TENM3: variants seen among roughly 807,000 people sequenced by gnomAD.
TENM3 encodes the protein teneurin transmembrane protein 3, also known as teneurin-3.
In TENM3, 63 loss-of-function variants were observed where a neutral mutation model predicts 255.1. That is an observed-to-expected ratio of 0.25 (90% CI 0.20 to 0.30). The LOEUF (loss-of-function observed/expected upper bound fraction) is 0.30, where lower values mean the gene tolerates loss of function less well. Among genes scored for constraint, TENM3 ranks in the 10% least tolerant of loss-of-function variants. The probability of loss-of-function intolerance (pLI) is 1.00; values close to 1 mark genes in which losing one functional copy is unlikely to be tolerated. For missense variants in TENM3, 2,929 were observed against 3,461.1 expected (o/e 0.85, Z 3.86); for synonymous variants, 1,306 against 1,322.3 (o/e 0.99, Z 0.27).
the TENM3 span, among the ~76,000 whole-genome samples, chr4:181,973,083 A>G: frequency 5.9e-5 from 9 of 152,194 alleles, no homozygotes; most frequent in Non-Finnish European, 1.2e-4. Flanking sequence ...GGGCTTTTAT[A>G]TGTTATAATA....
At chr4:181,553,094 G>A in the TENM3 span, among the ~76,000 whole-genome samples, 2 of 152,044 alleles carry the variant, frequency 1.3e-5, no homozygotes, top group Non-Finnish European at 1.5e-5. Flanking sequence ...GAACATTTTG[G>A]TTTGGAGTTA....
chr4:182,339,812 T>C (rs994090521), intron 2 of TENM3, among the ~76,000 whole-genome samples: 1 of 152,200 alleles, frequency 6.6e-6, no homozygotes, highest in East Asian at 1.9e-4. Flanking sequence ...AGCAGATACA[T>C]TGCAGGCGTA....
chr4:182,405,734 G>T (rs376023797), intron 3 of TENM3, among the ~76,000 whole-genome samples: 4 of 152,156 alleles, frequency 2.6e-5, no homozygotes, highest in African/African-American at 9.7e-5. Flanking sequence ...AGAGAGTTGC[G>T]CTAGGCATTG....
the TENM3 span, among the ~76,000 whole-genome samples, chr4:181,569,278 C>T: frequency 6.6e-6 from 1 of 152,176 alleles, no homozygotes; most frequent in Admixed American, 6.5e-5. Flanking sequence ...TTCACCACGT[C>T]CTTGTTTAAG....
At chr4:182,477,802 CAAAT>C (rs958157236) in intron 3 of TENM3, among the ~76,000 whole-genome samples, 7 of 152,106 alleles carry the variant, frequency 4.6e-5, no homozygotes, top group South Asian at 4.1e-4. Flanking sequence ...TTTTAATAAT[CAAAT>C]AAAATCATAC....
chr4:181,578,625 T>C, the TENM3 span, among the ~76,000 whole-genome samples: 1 of 152,148 alleles, frequency 6.6e-6, no homozygotes, highest in East Asian at 1.9e-4. Context: ...CTTCAGACTT[T>C]GCCACTCTAT....
the TENM3 span, among the ~76,000 whole-genome samples, chr4:181,747,402 T>G: frequency 6.6e-6 from 1 of 152,168 alleles, no homozygotes; most frequent in African/African-American, 2.4e-5. Flanking sequence ...TTGGGAGAAA[T>G]AATACAGACA....
intron 12 of TENM3, among the ~76,000 whole-genome samples, chr4:182,706,481 G>A (rs1322575109): frequency 6.6e-6 from 1 of 152,172 alleles, no homozygotes; most frequent in African/African-American, 2.4e-5. Flanking sequence ...GATGGGTGAA[G>A]GACAGGGGAA....
intron 5 of TENM3, among the ~76,000 whole-genome samples, chr4:182,640,344 G>A (rs1237277792): frequency 6.6e-6 from 1 of 152,042 alleles, no homozygotes. Context: ...AATGCTGTGG[G>A]GCTTTTCCAC....
At chr4:182,486,949 A>C (rs969217689) in intron 3 of TENM3, among the ~76,000 whole-genome samples, 10 of 152,196 alleles carry the variant, frequency 6.6e-5, no homozygotes, top group African/African-American at 2.4e-4. Context: ...AAACGGAACA[A>C]AGCATTGTAT....
intron 3 of TENM3, among the ~76,000 whole-genome samples, chr4:182,439,700 A>G (rs2151245572): frequency 6.6e-6 from 1 of 152,378 alleles, no homozygotes; most frequent in East Asian, 1.9e-4. Flanking sequence ...TTATTCTACT[A>G]GAATTATTCT....
the TENM3 span, among the ~76,000 whole-genome samples, chr4:181,861,825 CT>C: frequency 2.0e-5 from 3 of 152,060 alleles, no homozygotes; most frequent in Admixed American, 2.0e-4. Flanking sequence ...TAAGTAATCA[CT>C]TTATTGTGAA....
chr4:181,991,600 T>C, the TENM3 span, among the ~76,000 whole-genome samples: 1 of 152,124 alleles, frequency 6.6e-6, no homozygotes, highest in African/African-American at 2.4e-5. Context: ...GTGGTCTCAG[T>C]CTAATTCCTT....
At chr4:182,100,794 T>C in the TENM3 span, among the ~76,000 whole-genome samples, 2,203 of 6,270 alleles carry the variant, frequency 0.35, 506 homozygotes, top group East Asian at 0.63. Context: ...CACATATATA[T>C]ACACATATAT....
chr4:182,548,909 T>C (rs1741730043), intron 3 of TENM3: 1 of 150,574 alleles, frequency 6.6e-6, no homozygotes, highest in Non-Finnish European at 1.5e-5. Context: ...TCCCCTACCA[T>C]GGCAACTAGA....
Position 182,669,264 on chromosome 4 carries a change from C to T in TENM3, c.1112-3741C>T, listed in dbSNP as rs572249891. On this transcript the variant is annotated intron_variant, in intron 6 of 27. Coordinates refer to ENST00000511685, the MANE Select transcript of TENM3 (RefSeq NM_001080477.4). ...GTATTATATTATAATATCCATGTCA[C>T]GTTTTTTTTGTTTTTGTTTTTGTGA... Among the ~76,000 whole-genome samples the T allele has an allele frequency of 6.1e-5, 8 of 130,362 alleles. No individual in the cohort carries two copies. The South Asian group carries it at 1.6e-3, about 26-fold the overall frequency. The allele number at this position is 130,362 out of a possible 152,430, so 85.5% of individuals were successfully genotyped here.
chr4:181,832,455 C>G, the TENM3 span, among the ~76,000 whole-genome samples: 1 of 152,104 alleles, frequency 6.6e-6, no homozygotes, highest in Non-Finnish European at 1.5e-5. Context: ...GGAGGAAGGA[C>G]GGGGTTTCAG....
the TENM3 span, among the ~76,000 whole-genome samples, chr4:181,482,129 A>T: frequency 6.6e-6 from 1 of 152,084 alleles, no homozygotes; most frequent in African/African-American, 2.4e-5. Flanking sequence ...TTATTTTTTG[A>T]CTGACATATA....
At chr4:181,822,645 T>C in the TENM3 span, among the ~76,000 whole-genome samples, 1 of 152,250 alleles carries the variant, frequency 6.6e-6, no homozygotes. Context: ...AGTTAGGAGA[T>C]TCAGCTTTCT....
Sources: allele counts gnomAD v4.1 joint callset (sites outside exome capture counted in the v4.1 genomes callset), GRCh38; gene constraint gnomAD v4.1.1; transcripts MANE v1.5; gene names NCBI Gene and HGNC (gene_info 2026-07-23, HGNC 2026-07-21).